KLF8: variants seen among roughly 807,000 people sequenced by gnomAD.
KLF8 encodes Krueppel-like factor 8.
A neutral mutation model predicts 18.2 loss-of-function variants in KLF8; 10 were observed. The ratio of observed to expected loss-of-function variants is 0.55; its 90% confidence interval spans 0.34 to 0.93. KLF8 has a LOEUF of 0.93. Ranked by LOEUF, KLF8 falls within the 40% of genes least tolerant of loss-of-function variation. The pLI, the probability that KLF8 is intolerant of heterozygous loss-of-function variation, is 0.02. For synonymous variants in KLF8, 109 were observed against 97.3 expected (o/e 1.12, Z -0.71); for missense variants, 264 against 277.9 (o/e 0.95, Z 0.36).
At chrX:56,050,392 C>G in the KLF8 span, among the ~76,000 whole-genome samples, 12 of 112,107 alleles carry the variant, frequency 1.1e-4, no homozygotes, top group Non-Finnish European at 1.7e-4. Context: ...CCTGCTTTCT[C>G]TTGTGGGCAT....
intron 3 of KLF8, chrX:56,267,119 A>G (rs2066982644): frequency 1.3e-6 from 1 of 751,915 alleles, no homozygotes; most frequent in Admixed American, 8.8e-5. Context: ...AGGAGCTTTG[A>G]ATAGTCCCCA....
intron 5 of KLF8, among the ~76,000 whole-genome samples, chrX:56,270,528 TC>T (rs1400343355): frequency 9.0e-6 from 1 of 111,032 alleles, no homozygotes; most frequent in Non-Finnish European, 1.9e-5. Flanking sequence ...ATGGTTTTTA[TC>T]CCTATTTCTT....
chrX:55,944,202 G>A, the KLF8 span, among the ~76,000 whole-genome samples: 1 of 108,916 alleles, frequency 9.2e-6, no homozygotes, highest in Non-Finnish European at 1.9e-5. Flanking sequence ...TGGTGGATAA[G>A]CTTTTTGATG....
Position 56,232,386 on chromosome X carries a change from C to G in KLF8, c.-949C>G, listed in dbSNP as rs1220701980. ...GCACTCTCCTCTAGCGGCCGCCTGT[C>G]CTTTTTAAGGAACTCCACCCTAGGT... On this transcript the variant is annotated 5_prime_UTR_variant, in exon 1 of 6. Coordinates refer to ENST00000468660, the MANE Select transcript of KLF8 (RefSeq NM_007250.5). 1.9e-5 allele frequency: 2 copies of G among 105,083 alleles called. No homozygotes were observed. The highest frequency in any genetic ancestry group is 3.9e-5 in the Non-Finnish European group (2 of 51,341). 8.7% of individuals were successfully genotyped at this position (105,083 alleles called of 1,213,427 possible).
the KLF8 span, among the ~76,000 whole-genome samples, chrX:56,039,616 G>T: frequency 8.9e-6 from 1 of 111,769 alleles, no homozygotes; most frequent in Non-Finnish European, 1.9e-5. Context: ...GTATCATGCT[G>T]TTTTGATTAC....
chrX:56,176,249 C>A, the KLF8 span, among the ~76,000 whole-genome samples: 8 of 111,781 alleles, frequency 7.2e-5, no homozygotes, highest in Admixed American at 4.8e-4. Context: ...ACCGGTTGTT[C>A]CTTTCCATGT....
At chrX:56,024,400 G>A in the KLF8 span, among the ~76,000 whole-genome samples, 2 of 110,833 alleles carry the variant, frequency 1.8e-5, no homozygotes, top group South Asian at 3.8e-4. Flanking sequence ...TAGAGACAGG[G>A]TTTTGCCATG....
the KLF8 span, among the ~76,000 whole-genome samples, chrX:56,184,930 A>G: frequency 8.9e-6 from 1 of 112,476 alleles, no homozygotes; most frequent in African/African-American, 3.2e-5. Context: ...GGGAAAAAAC[A>G]GAGAAGAAAA....
At chrX:56,231,286 G>T (rs971830705), upstream of KLF8, among the ~76,000 whole-genome samples, 3 of 111,896 alleles carry the variant, frequency 2.7e-5, no homozygotes, top group East Asian at 8.4e-4. Context: ...ATGCACAGAA[G>T]ACATTCAGGC....
the KLF8 span, among the ~76,000 whole-genome samples, chrX:56,095,348 G>C: frequency 8.9e-6 from 1 of 112,559 alleles, no homozygotes; most frequent in Non-Finnish European, 1.9e-5. Context: ...TTAAATGTAA[G>C]ACTCAAAACT....
At chrX:56,236,530 C>G (rs1389967622) in intron 1 of KLF8, among the ~76,000 whole-genome samples, 2 of 110,621 alleles carry the variant, frequency 1.8e-5, no homozygotes, top group Non-Finnish European at 3.8e-5. Flanking sequence ...GTATCTGTTT[C>G]TTTATTATTA....
At chrX:56,018,762 A>G in the KLF8 span, among the ~76,000 whole-genome samples, 1 of 111,139 alleles carries the variant, frequency 9.0e-6, no homozygotes, top group Non-Finnish European at 1.9e-5. Flanking sequence ...GCAATTCTAT[A>G]TGGTTACACT....
chrX:55,948,998 T>C, the KLF8 span, among the ~76,000 whole-genome samples: 58,265 of 110,734 alleles, frequency 0.53, 13,546 homozygotes, highest in East Asian at 0.76. Context: ...TTTAGACAGT[T>C]CCCTTTTTTC....
chrX:56,270,111 G>T (rs1260212567), intron 4 of KLF8, 71 bp from the exon 5 acceptor site: 1 of 1,026,035 alleles, frequency 9.7e-7, no homozygotes, highest in Admixed American at 2.8e-5. Flanking sequence ...TGGCACCAAT[G>T]AATGTAAATT....
chrX:55,936,701 C>T, the KLF8 span, among the ~76,000 whole-genome samples: 2 of 112,307 alleles, frequency 1.8e-5, no homozygotes, highest in Admixed American at 9.4e-5. Flanking sequence ...TTCCAACGGG[C>T]TTAACAAATG....
At chrX:56,221,166 G>A in the KLF8 span, among the ~76,000 whole-genome samples, 1 of 111,721 alleles carries the variant, frequency 9.0e-6, no homozygotes, top group African/African-American at 3.2e-5. Flanking sequence ...AATACTGGCT[G>A]GAATCATCAG....
At chrX:55,981,362 A>T in the KLF8 span, among the ~76,000 whole-genome samples, 1 of 111,979 alleles carries the variant, frequency 8.9e-6, no homozygotes, top group South Asian at 3.7e-4. Flanking sequence ...GGGCTACACT[A>T]TTGGCAGCAG....
the KLF8 span, among the ~76,000 whole-genome samples, chrX:56,204,834 A>C: frequency 9.0e-6 from 1 of 110,608 alleles, no homozygotes; most frequent in African/African-American, 3.3e-5. Flanking sequence ...CAACAGTTTG[A>C]TTCTAAATGG....
At chrX:56,082,125 C>G in the KLF8 span, among the ~76,000 whole-genome samples, 1 of 111,442 alleles carries the variant, frequency 9.0e-6, no homozygotes, top group Non-Finnish European at 1.9e-5. Context: ...AATTCAAGCT[C>G]CTTACTGGTT....
Sources: gnomAD v4.1 joint callset for allele counts (sites outside exome capture counted in the v4.1 genomes callset) on GRCh38, gnomAD v4.1.1 for gene constraint, MANE v1.5 for transcripts, NCBI Gene and HGNC (gene_info 2026-07-23, HGNC 2026-07-21) for gene names.